Variants in COL5A2 observed in about 807,000 individuals in gnomAD.
The protein encoded by COL5A2 is collagen alpha-2(V) chain.
A neutral mutation model predicts 208.2 loss-of-function variants in COL5A2; 23 were observed. The ratio of observed to expected loss-of-function variants is 0.11; its 90% CI spans 0.08 to 0.16. The LOEUF (loss-of-function observed/expected upper bound fraction) is 0.16. Among genes scored for constraint, COL5A2 ranks in the 10% least tolerant of loss-of-function variants. The pLI, the probability that COL5A2 is intolerant of heterozygous loss-of-function variation, is 1.00. For missense variants in COL5A2, 1,590 were observed against 1,956.4 expected (o/e 0.81, Z 3.53); for synonymous variants, 625 against 628.5 (o/e 0.99, Z 0.08).
chr2:189,305,007 A>G, the COL5A2 span, among the ~76,000 whole-genome samples: 3 of 152,218 alleles, frequency 2.0e-5, no homozygotes, highest in Non-Finnish European at 4.4e-5. Context: ...AAAAGAAAAC[A>G]AATATATTTG....
At chr2:189,223,726 T>C (rs1266426901) in intron 1 of COL5A2, among the ~76,000 whole-genome samples, 3 of 152,208 alleles carry the variant, frequency 2.0e-5, no homozygotes, top group African/African-American at 7.2e-5. Context: ...TATATTTCTA[T>C]TTATATGAAG....
the COL5A2 span, among the ~76,000 whole-genome samples, chr2:189,350,624 T>C: frequency 3.3e-5 from 5 of 152,272 alleles, no homozygotes; most frequent in East Asian, 5.8e-4. Flanking sequence ...TTGTGACTAA[T>C]TATGTTTGTG....
At chr2:189,191,167 C>CAAAAAAAAAAAAAA (rs1688921444) in intron 1 of COL5A2, among the ~76,000 whole-genome samples, 2 of 124,890 alleles carry the variant, frequency 1.6e-5, no homozygotes, top group Non-Finnish European at 3.3e-5. Context: ...AACAAACAAA[C>CAAAAAAAAAAAAAA]AACAAAAAAC....
At chr2:189,091,321 C>G (rs1308851605) in intron 7 of COL5A2, among the ~76,000 whole-genome samples, 1 of 152,170 alleles carries the variant, frequency 6.6e-6, no homozygotes, top group Non-Finnish European at 1.5e-5. Flanking sequence ...AGTCGTTTCT[C>G]AAGATGCAGT....
At chr2:189,315,423 G>T in the COL5A2 span, among the ~76,000 whole-genome samples, 2 of 152,112 alleles carry the variant, frequency 1.3e-5, no homozygotes, top group Non-Finnish European at 2.9e-5. Context: ...GGTATTGAAG[G>T]AAAATACCTC....
chr2:189,398,908 A>G, the COL5A2 span, among the ~76,000 whole-genome samples: 1 of 152,182 alleles, frequency 6.6e-6, no homozygotes, highest in Admixed American at 6.5e-5. Flanking sequence ...TGATTACAAT[A>G]AGCAATCTTA....
chr2:189,165,218 G>A (rs1408414675), intron 1 of COL5A2, among the ~76,000 whole-genome samples: 1 of 152,084 alleles, frequency 6.6e-6, no homozygotes, highest in Non-Finnish European at 1.5e-5. Flanking sequence ...AATTTTTGGG[G>A]GTTTTGCTGG....
the COL5A2 span, among the ~76,000 whole-genome samples, chr2:189,440,792 G>C: frequency 2.0e-5 from 3 of 152,182 alleles, no homozygotes; most frequent in African/African-American, 4.8e-5. Flanking sequence ...GGAAACCAGA[G>C]ACCAGCGCCC....
chr2:189,084,922 C>T (rs1686619043), intron 11 of COL5A2, among the ~76,000 whole-genome samples: 2 of 152,116 alleles, frequency 1.3e-5, no homozygotes, highest in South Asian at 4.1e-4. Flanking sequence ...GAAATCTTAA[C>T]AAAAACCCAG....
chr2:189,106,218 G>C (rs1687146142), intron 2 of COL5A2, among the ~76,000 whole-genome samples: 1 of 151,454 alleles, frequency 6.6e-6, no homozygotes, highest in Non-Finnish European at 1.5e-5. Context: ...GAATTTATGT[G>C]AGTGTAATGT....
the COL5A2 span, among the ~76,000 whole-genome samples, chr2:189,331,944 C>T: frequency 3.9e-4 from 54 of 137,556 alleles, no homozygotes; most frequent in African/African-American, 9.8e-4. Context: ...AGCAAGACTC[C>T]GTCTCAAAAA....
chr2:189,260,230 A>C, the COL5A2 span, among the ~76,000 whole-genome samples: 1 of 152,206 alleles, frequency 6.6e-6, no homozygotes, highest in African/African-American at 2.4e-5. Flanking sequence ...TTTCAGGGGA[A>C]TCACAGCTTC....
At chr2:189,113,360 C>A (rs1299025990) in intron 1 of COL5A2, among the ~76,000 whole-genome samples, 2 of 152,060 alleles carry the variant, frequency 1.3e-5, no homozygotes, top group Admixed American at 6.5e-5. Flanking sequence ...CTCAGGAGTT[C>A]TAGGCTGCAG....
chr2:189,376,471 C>T, the COL5A2 span, among the ~76,000 whole-genome samples: 1 of 152,108 alleles, frequency 6.6e-6, no homozygotes, highest in Non-Finnish European at 1.5e-5. Context: ...TCCCAAAGTA[C>T]ATAACCTAGA....
At chr2:189,380,185 A>C in the COL5A2 span, among the ~76,000 whole-genome samples, 1 of 152,082 alleles carries the variant, frequency 6.6e-6, no homozygotes, top group African/African-American at 2.4e-5. Context: ...TGGGATAATA[A>C]TAGGCTCTAT....
At chr2:189,350,769 G>T in the COL5A2 span, among the ~76,000 whole-genome samples, 1 of 152,120 alleles carries the variant, frequency 6.6e-6, no homozygotes, top group African/African-American at 2.4e-5. Context: ...CCAGGAGACT[G>T]CTGAGAAAAT....
the COL5A2 span, among the ~76,000 whole-genome samples, chr2:189,242,168 G>C: frequency 6.6e-6 from 1 of 152,048 alleles, no homozygotes; most frequent in Admixed American, 6.6e-5. Context: ...TTATAGTGGG[G>C]TTTCAGAAAA....
chr2:189,280,131 T>G, the COL5A2 span, among the ~76,000 whole-genome samples: 3 of 152,168 alleles, frequency 2.0e-5, no homozygotes, highest in Non-Finnish European at 2.9e-5. Flanking sequence ...CCTCCAGAAT[T>G]GTGAGAAACG....
At chr2:189,396,523 A>T in the COL5A2 span, among the ~76,000 whole-genome samples, 117 of 151,622 alleles carry the variant, frequency 7.7e-4, 1 homozygote, top group African/African-American at 2.7e-3. Flanking sequence ...AATACAAAAA[A>T]ATTAGCCGGG....
Sources: gnomAD v4.1 joint callset for allele counts (sites outside exome capture counted in the v4.1 genomes callset) on GRCh38, gnomAD v4.1.1 for gene constraint, MANE v1.5 for transcripts, NCBI Gene and HGNC (gene_info 2026-07-23, HGNC 2026-07-21) for gene names.